ZNF236: variants seen among roughly 807,000 people sequenced by gnomAD.
ZNF236 encodes regulated by glucose.
A neutral mutation model predicts 191.2 loss-of-function variants in ZNF236; 50 were observed. That is an observed-to-expected ratio of 0.26 (90% CI 0.21 to 0.33). ZNF236 has a LOEUF of 0.33. ZNF236 is among the 10% of genes least tolerant of loss of function. The probability of loss-of-function intolerance (pLI) is 1.00; values close to 1 mark genes in which losing one functional copy is unlikely to be tolerated. For missense variants in ZNF236, 1,754 were observed against 2,374.5 expected, an observed-to-expected ratio of 0.74 and a Z score of 5.43; for synonymous variants, 907 against 928.8, an observed-to-expected ratio of 0.98 and a Z score of 0.43.
At position 76,927,480 on chromosome 18, in the gene ZNF236, G is replaced by C. The variant is rs746075797; in HGVS notation, c.4377G>C (p.Leu1459=). ...CTGCGAACCTGACCATAGGCCCGCT[G>C]TCTGAGCAGGATTCAGTGCTGACCA... is the stretch of plus-strand genomic sequence containing the variant. ...VTSANLTIGP[L]SEQDSVLTTN... is the part of the protein sequence containing the mutation. Residue 1459 remains leucine, a synonymous_variant, in exon 24 of 31, where the codon CTG becomes CTC. Transcript: ENST00000320610. This position sits in a 1 kb window ranked among gnomAD's most constrained non-coding sequence, Gnocchi z 5.4. 5 of 1,614,064 alleles carry C rather than the reference G, an allele frequency of 3.1e-6. No individual in the cohort carries two copies. The highest frequency in any genetic ancestry group is 2.2e-5 in the South Asian group (2 of 91,080).
At chr18:76,915,545 G>T (rs1483104768) in intron 18 of ZNF236, 102 bp from the exon 19 acceptor site, 20 of 1,003,074 alleles carry the variant, frequency 2.0e-5, no homozygotes, top group South Asian at 6.2e-5. Context: ...GGATAATGTT[G>T]TAACTTATTA....
chr18:76,839,775 T>G (rs1299514433), intron 1 of ZNF236, among the ~76,000 whole-genome samples: 1 of 152,218 alleles, frequency 6.6e-6, no homozygotes, highest in Non-Finnish European at 1.5e-5. Context: ...GCTCTTTAGC[T>G]CTATTTATCT....
intron 27 of ZNF236, among the ~76,000 whole-genome samples, chr18:76,950,909 G>T (rs1968391609): frequency 6.6e-6 from 1 of 152,214 alleles, no homozygotes; most frequent in Non-Finnish European, 1.5e-5. Flanking sequence ...CATGTTAGCA[G>T]ACATGAAAGC....
At position 76,920,081 on chromosome 18, in the gene ZNF236, C is replaced by T. The variant is rs367716756; in HGVS notation, c.3557+23C>T. 2.7e-5 allele frequency: 43 copies of T among 1,601,968 alleles called. No individual in the cohort carries two copies. In the African/African-American group the frequency reaches 4.4e-4, roughly 16 times the overall value. ...GAGGTGAGGGCATGGCTACGCCGCG[C>T]GGGTTCCGCTCTGAAGACTGGAGGT... On this transcript the variant is annotated intron_variant, in intron 20 of 30. Coordinates refer to ENST00000320610, the MANE Select transcript of ZNF236 (RefSeq NM_001306089.2).
At chr18:76,900,243 T>C (rs921584737) in intron 11 of ZNF236, among the ~76,000 whole-genome samples, 1 of 152,102 alleles carries the variant, frequency 6.6e-6, no homozygotes, top group Non-Finnish European at 1.5e-5. Flanking sequence ...AGTAAGATGA[T>C]CAACAGCCAT....
intron 6 of ZNF236, among the ~76,000 whole-genome samples, chr18:76,876,167 T>C (rs1021135298): frequency 6.6e-6 from 1 of 152,256 alleles, no homozygotes; most frequent in African/African-American, 2.4e-5. Flanking sequence ...GATGATTTCC[T>C]GTGGTAATTT....
At chr18:76,832,389 C>T (rs1371767074) in intron 1 of ZNF236, among the ~76,000 whole-genome samples, 1 of 151,946 alleles carries the variant, frequency 6.6e-6, no homozygotes, top group Non-Finnish European at 1.5e-5. Context: ...CTATACGTCT[C>T]ACCTTTAGAT....
chr18:76,826,277 A>ATTTTTTTTTTT (rs937771474), intron 1 of ZNF236, among the ~76,000 whole-genome samples: 3 of 119,418 alleles, frequency 2.5e-5, no homozygotes, highest in Non-Finnish European at 1.8e-5. Context: ...ATGGCTAGCT[A>ATTTTTTTTTTT]TTTTTTTTTT....
chr18:76,926,561 T>C (rs1204151281), intron 22 of ZNF236, among the ~76,000 whole-genome samples: 1 of 152,004 alleles, frequency 6.6e-6, no homozygotes, highest in Non-Finnish European at 1.5e-5. Context: ...ATATATGGTA[T>C]AAAGGGTGAT....
chr18:76,876,260 C>T (rs890320851), intron 6 of ZNF236, among the ~76,000 whole-genome samples: 2 of 152,104 alleles, frequency 1.3e-5, no homozygotes, highest in African/African-American at 4.8e-5. Context: ...AACTAACCAT[C>T]GTGACTTATT....
chr18:76,925,743 G>A lies in ZNF236; in HGVS notation c.4027+189G>A, dbSNP rs1041730933. On this transcript the variant is annotated intron_variant, in intron 22 of 30. Transcript: ENST00000320610. This position sits in a 1 kb window ranked among gnomAD's most constrained non-coding sequence, Gnocchi z 5.7. ...TGCAGACATTGCTCCTTTCCATTTC[G>A]CATTCTGTCTTCCATGCCAGCTGCT... 2.0e-5 allele frequency among the ~76,000 whole-genome samples: 3 copies of A among 152,102 alleles called. No individual in the cohort carries two copies. Among genetic ancestry groups the A allele is most frequent in the East Asian group, 1.9e-4 (1 of 5,196 alleles).
chr18:76,907,073 C>T (rs1977762249), intron 13 of ZNF236, among the ~76,000 whole-genome samples: 1 of 152,198 alleles, frequency 6.6e-6, no homozygotes, highest in Non-Finnish European at 1.5e-5. Flanking sequence ...CGTGCCACTG[C>T]GCTGCTGTGT....
chr18:76,860,221 G>A (rs533440097), intron 3 of ZNF236, among the ~76,000 whole-genome samples: 61 of 152,258 alleles, frequency 4.0e-4, no homozygotes, highest in African/African-American at 1.3e-3. Flanking sequence ...AGGTAAAGGT[G>A]GTTGAAGATG....
At chr18:76,913,971 C>T in intron 18 of ZNF236, 73 bp downstream of exon 18, 1 of 1,503,612 alleles carries the variant, frequency 6.7e-7, no homozygotes. Context: ...ATCCATATAC[C>T]ATTCAGTTCA....
At position 76,881,202 on chromosome 18, in the gene ZNF236, A is replaced by G. The variant is rs542121676; in HGVS notation, c.1189-82A>G. The G allele has an allele frequency of 3.9e-4, 470 of 1,190,152 alleles. 1 individual carries two copies. The highest frequency in any genetic ancestry group is 4.5e-4 in the Non-Finnish European group (377 of 839,992). 73.7% of individuals were successfully genotyped at this position (1,190,152 alleles called of 1,614,324 possible). A position where few individuals can be genotyped will look rare whatever the true frequency, so the allele number is the denominator to read the frequency against. On this transcript the variant is annotated intron_variant, in intron 8 of 30. Coordinates refer to ENST00000320610, the MANE Select transcript of ZNF236 (RefSeq NM_001306089.2). ...TTTCTTGGAGTGGAATTAGAATTCT[A>G]TAGGTAAAGCTTTTGACTGATTTTG...
chr18:76,866,921 G>A (rs1976432093), intron 3 of ZNF236, among the ~76,000 whole-genome samples: 1 of 152,220 alleles, frequency 6.6e-6, no homozygotes, highest in South Asian at 2.1e-4. Context: ...TCTTGGCTGT[G>A]GCCTGGGAGG....
chr18:76,905,486 G>A (rs1568222804), intron 13 of ZNF236, 71 bp downstream of exon 13: 18 of 1,460,386 alleles, frequency 1.2e-5, no homozygotes, highest in East Asian at 9.4e-5. Flanking sequence ...AGTGTTTTTA[G>A]GAAATAATTG....
At chr18:76,873,701 G>A (rs1177821850) in intron 5 of ZNF236, among the ~76,000 whole-genome samples, 1 of 152,234 alleles carries the variant, frequency 6.6e-6, no homozygotes, top group East Asian at 1.9e-4. Flanking sequence ...AGGAGGCTGA[G>A]TACATTGCAG....
At chr18:76,948,323 AG>A (rs1443588529) in intron 27 of ZNF236, among the ~76,000 whole-genome samples, 1 of 152,188 alleles carries the variant, frequency 6.6e-6, no homozygotes, top group Non-Finnish European at 1.5e-5. Flanking sequence ...CTGTAGAACA[AG>A]GGCTTTTTCA....
Sources: gnomAD v4.1 joint callset for allele counts (sites outside exome capture counted in the v4.1 genomes callset) on GRCh38, gnomAD v4.1.1 for gene constraint, Gnocchi (gnomAD v3.1) non-coding constraint, MANE v1.5 for transcripts, NCBI Gene and HGNC (gene_info 2026-07-23, HGNC 2026-07-21) for gene names.